DNAJC24: variants seen among roughly 807,000 people sequenced by gnomAD.
DNAJC24 encodes DnaJ heat shock protein family (Hsp40) member C24.
Under a neutral mutation model 18.0 loss-of-function variants are expected in DNAJC24, and 17 were observed. That is an observed-to-expected ratio of 0.94 (90% CI 0.65 to 1.42). The LOEUF (loss-of-function observed/expected upper bound fraction) is 1.42. Among genes scored for constraint, DNAJC24 ranks in the 40% most tolerant of loss-of-function variants. The pLI, the probability that DNAJC24 is intolerant of heterozygous loss-of-function variation, is 0.00. For missense variants in DNAJC24, 158 were observed against 175.6 expected (o/e 0.90, Z 0.57); for synonymous variants, 55 against 57.7 (o/e 0.95, Z 0.21).
intron 2 of DNAJC24, among the ~76,000 whole-genome samples, chr11:31,382,592 G>A (rs1321213974): frequency 6.6e-6 from 1 of 152,160 alleles, no homozygotes; most frequent in African/African-American, 2.4e-5. Flanking sequence ...TATTGTATAT[G>A]TAATGCAATT....
intron 4 of DNAJC24, 58 bp from the exon 5 acceptor site, chr11:31,430,213 G>T (rs1368837141): frequency 3.4e-6 from 5 of 1,484,072 alleles, no homozygotes; most frequent in Non-Finnish European, 3.7e-6. Context: ...CCTTTTAAGG[G>T]TATTAGTGAG....
intron 2 of DNAJC24, among the ~76,000 whole-genome samples, chr11:31,401,004 T>C (rs932165778): frequency 2.6e-5 from 4 of 152,054 alleles, no homozygotes; most frequent in African/African-American, 9.7e-5. Flanking sequence ...ATATTCAGAA[T>C]CTACAAGGAA....
Position 31,414,794 on chromosome 11 carries a change from T to G in DNAJC24, c.112-17T>G. ...CTCTCTCTACTCACCCCCTGCACCC[T>G]TCTTTTTGATTGGCAGTATCATCCA... is the stretch of plus-strand genomic sequence containing the variant. On this transcript the variant is annotated splice_polypyrimidine_tract_variant and intron_variant, in intron 2 of 4. Transcript: ENST00000465995. 6.2e-7 allele frequency: 1 copy of G among 1,611,152 alleles called. No individual in the cohort carries two copies. The highest frequency in any genetic ancestry group is 8.5e-7 in the Non-Finnish European group (1 of 1,178,462).
chr11:31,432,455 C>G lies in DNAJC24; in HGVS notation c.*2054C>G, dbSNP rs765777968. ...ACGGTTTCAACGGGAGTAATAAATT[C>G]ACATGAAAAGGAGACAATAATCAAG... On this transcript the variant is annotated 3_prime_UTR_variant, in exon 5 of 5. Transcript: ENST00000465995. 1 of 1,325,264 alleles carries G rather than the reference C, an allele frequency of 7.5e-7. No individual in the cohort carries two copies. Among genetic ancestry groups the G allele is most frequent in the Non-Finnish European group, 1.1e-6 (1 of 919,452 alleles). The allele number at this position is 1,325,264 out of a possible 1,614,324, so 82.1% of individuals were successfully genotyped here. A position where few individuals can be genotyped will look rare whatever the true frequency, so the allele number is the denominator to read the frequency against.
rs572692435 is a variant in DNAJC24, at chr11:31,426,387, A to T, written c.319+32A>T. ...TTTTTTTTTTCTCTTGACAACATTT[A>T]AAAAAAAAAGGAATTTTCTATAAGA... On this transcript the variant is annotated intron_variant, in intron 4 of 4. Coordinates refer to ENST00000465995, the MANE Select transcript of DNAJC24 (RefSeq NM_181706.5). 410 of 496,680 alleles carry T rather than the reference A, an allele frequency of 8.3e-4. 3 individuals carry two copies. In the African/African-American group the frequency reaches 0.063, roughly 76 times the overall value. 30.8% of individuals were successfully genotyped at this position (496,680 alleles called of 1,614,324 possible).
rs1354779619 is a variant in DNAJC24 at position 31,370,888 on chromosome 11, A to T, written c.111+29A>T. 7 of 1,446,424 alleles carry T rather than the reference A, an allele frequency of 4.8e-6. No individual in the cohort carries two copies. In the East Asian group the frequency reaches 1.6e-4, roughly 33 times the overall value. The allele number at this position is 1,446,424 out of a possible 1,614,324, so 89.6% of individuals were successfully genotyped here. On this transcript the variant is annotated intron_variant, in intron 2 of 4. Coordinates refer to ENST00000465995, the MANE Select transcript of DNAJC24 (RefSeq NM_181706.5). ...AGTCTTTTCTTTCAGATTTTAAATC[A>T]TGAGGGGAAAAAAATCAATTTTTAT...
At chr11:31,378,355 C>A (rs1374477640) in intron 2 of DNAJC24, among the ~76,000 whole-genome samples, 1 of 147,468 alleles carries the variant, frequency 6.8e-6, no homozygotes, top group Non-Finnish European at 1.5e-5. Context: ...ATAGTTATGT[C>A]ATAGGGAGAC....
chr11:31,427,352 G>A (rs912820463), intron 4 of DNAJC24: 2 of 151,998 alleles, frequency 1.3e-5, no homozygotes, highest in Admixed American at 6.6e-5. Flanking sequence ...AAATCCTAGA[G>A]TAGAAATTCA....
intron 2 of DNAJC24, among the ~76,000 whole-genome samples, chr11:31,371,164 T>C (rs1024551246): frequency 2.0e-5 from 3 of 152,190 alleles, no homozygotes; most frequent in African/African-American, 4.8e-5. Context: ...AAATAATCCA[T>C]GTAAAATATT....
chr11:31,382,354 A>G (rs1952385064), intron 2 of DNAJC24, among the ~76,000 whole-genome samples: 1 of 152,160 alleles, frequency 6.6e-6, no homozygotes, highest in Admixed American at 6.6e-5. Flanking sequence ...TTTCATAAAG[A>G]CTAAATGAAA....
chr11:31,406,490 T>A (rs1322655547), intron 2 of DNAJC24, among the ~76,000 whole-genome samples: 1 of 152,226 alleles, frequency 6.6e-6, no homozygotes, highest in African/African-American at 2.4e-5. Flanking sequence ...ATGGATATAG[T>A]TAAAATACGG....
At chr11:31,411,404 T>A (rs1952708278) in intron 2 of DNAJC24, among the ~76,000 whole-genome samples, 1 of 152,226 alleles carries the variant, frequency 6.6e-6, no homozygotes, top group Non-Finnish European at 1.5e-5. Flanking sequence ...AAACAAACTG[T>A]CAGAAACTTG....
chr11:31,386,453 AT>A (rs34120614), intron 2 of DNAJC24, among the ~76,000 whole-genome samples: 43,386 of 151,498 alleles, frequency 0.29, 6,315 homozygotes, highest in African/African-American at 0.32. Flanking sequence ...GAGGCCCCCC[AT>A]TCTAGGCTGT....
intron 2 of DNAJC24, chr11:31,407,691 A>AT: frequency 1.8e-5 from 2 of 112,550 alleles, no homozygotes; most frequent in African/African-American, 7.3e-5. Context: ...TCTCAAAAAA[A>AT]AAAAAAAAAA....
At position 31,414,797 on chromosome 11, in the gene DNAJC24, T is replaced by A; in HGVS notation, c.112-14T>A. 2 of 1,611,392 alleles carry A rather than the reference T, an allele frequency of 1.2e-6. No homozygotes were observed. Among genetic ancestry groups the A allele is most frequent in the East Asian group, 2.2e-5 (1 of 44,752 alleles). On this transcript the variant is annotated splice_polypyrimidine_tract_variant and intron_variant, in intron 2 of 4. Coordinates refer to ENST00000465995, the MANE Select transcript of DNAJC24 (RefSeq NM_181706.5). Reference sequence around the variant, plus strand: ...TCTCTACTCACCCCCTGCACCCTTCTTTTTGATTGGCAGTATCATCCAGAT... The same window carrying A: ...TCTCTACTCACCCCCTGCACCCTTCATTTTGATTGGCAGTATCATCCAGAT...
intron 2 of DNAJC24, among the ~76,000 whole-genome samples, chr11:31,399,558 C>T (rs766639696): frequency 9.2e-5 from 14 of 151,544 alleles, no homozygotes; most frequent in African/African-American, 2.9e-4. Context: ...GGAGTACAGG[C>T]GCACGCCATC....
In DNAJC24 at chr11:31,413,416, T is replaced by C. The variant is rs190265810; in HGVS notation, c.112-1395T>C. Among the ~76,000 whole-genome samples the C allele has an allele frequency of 3.3e-3, 489 of 149,876 alleles. 3 individuals are homozygous for C. Among genetic ancestry groups the C allele is most frequent in the African/African-American group, 0.011 (437 of 40,706 alleles). On this transcript the variant is annotated intron_variant, in intron 2 of 4. Transcript: ENST00000465995. Reference sequence around the variant, plus strand: ...TGCAATCTCAGCTCACTGCAAGCTCTGCCTCCCGGGTTCACGCCATTCTCC... The same window carrying C: ...TGCAATCTCAGCTCACTGCAAGCTCCGCCTCCCGGGTTCACGCCATTCTCC...
chr11:31,411,017 G>A (rs949870710), intron 2 of DNAJC24, among the ~76,000 whole-genome samples: 1 of 152,170 alleles, frequency 6.6e-6, no homozygotes, highest in Non-Finnish European at 1.5e-5. Context: ...GCTCTCAAGA[G>A]TAGGAAGGTC....
At chr11:31,414,716 C>T (rs1952737794) in intron 2 of DNAJC24, 95 bp from the exon 3 acceptor site, 8 of 1,339,078 alleles carry the variant, frequency 6.0e-6, no homozygotes, top group Middle Eastern at 3.8e-4. Flanking sequence ...CTTCTCATTA[C>T]CTTCTTAACT....
Sources: allele counts gnomAD v4.1 joint callset (sites outside exome capture counted in the v4.1 genomes callset), GRCh38; gene constraint gnomAD v4.1.1; transcripts MANE v1.5; gene names NCBI Gene and HGNC (gene_info 2026-07-23, HGNC 2026-07-21).